The following PPHLN1 variants were observed in gnomAD, a reference collection of about 807,000 sequenced individuals.
PPHLN1 encodes the protein periphilin-1.
A neutral mutation model predicts 51.3 loss-of-function variants in PPHLN1; 29 were observed. The observed-to-expected ratio is 0.57, with a 90% CI of 0.42 to 0.77. PPHLN1 has a LOEUF of 0.77. Among genes scored for constraint, PPHLN1 ranks in the 30% least tolerant of loss-of-function variants. The pLI, the probability that PPHLN1 is intolerant of heterozygous loss-of-function variation, is 0.00. For missense variants in PPHLN1, 436 were observed against 438.4 expected, an observed-to-expected ratio of 0.99 and a Z score of 0.05; for synonymous variants, 147 against 147.8, an observed-to-expected ratio of 0.99 and a Z score of 0.04.
chr12:42,330,337 C>T (rs1295909317), intron 1 of PPHLN1, among the ~76,000 whole-genome samples: 4 of 152,228 alleles, frequency 2.6e-5, no homozygotes, highest in African/African-American at 9.7e-5. Flanking sequence ...TACTGATCCT[C>T]CTCAGCACAG....
chr12:42,444,321 C>A (rs2083176300), downstream of PPHLN1: 1 of 151,422 alleles, frequency 6.6e-6, no homozygotes, highest in Non-Finnish European at 1.5e-5. Context: ...TGATAAATTA[C>A]AGAACCTGTT....
At chr12:42,395,952 T>A (rs184313392) in intron 8 of PPHLN1, among the ~76,000 whole-genome samples, 27 of 152,344 alleles carry the variant, frequency 1.8e-4, no homozygotes, top group Admixed American at 4.6e-4. Flanking sequence ...TTCAATAATA[T>A]ACTTAAATAT....
chr12:42,399,274 G>A (rs2078572290), intron 9 of PPHLN1: 3 of 934,206 alleles, frequency 3.2e-6, no homozygotes, highest in Non-Finnish European at 3.9e-6. Context: ...AAAGTTAATA[G>A]GGATGGGATG....
intron 3 of PPHLN1, among the ~76,000 whole-genome samples, 183 bp downstream of exon 3, chr12:42,352,232 G>A (rs2073453454): frequency 2.0e-5 from 3 of 152,036 alleles, no homozygotes. Flanking sequence ...TGGGGTACTG[G>A]ACAAAGTAGG....
chr12:42,361,644 T>C (rs1037810822), intron 4 of PPHLN1: 3 of 152,208 alleles, frequency 2.0e-5, no homozygotes, highest in Admixed American at 2.0e-4. Context: ...GTTGGTTTTG[T>C]TTTTCAAATA....
chr12:42,411,539 AG>A (rs2079828904), intron 9 of PPHLN1, among the ~76,000 whole-genome samples: 1 of 152,232 alleles, frequency 6.6e-6, no homozygotes, highest in South Asian at 2.1e-4. Flanking sequence ...TTTTAAGGAA[AG>A]GCAACATGGG....
At chr12:42,375,598 C>G (rs1324102729) in intron 5 of PPHLN1, among the ~76,000 whole-genome samples, 3 of 152,180 alleles carry the variant, frequency 2.0e-5, no homozygotes, top group Admixed American at 6.5e-5. Flanking sequence ...GTGTGAGCCA[C>G]TGCTCCTGGC....
chr12:42,362,198 T>C (rs548267740), intron 4 of PPHLN1, among the ~76,000 whole-genome samples: 1 of 152,320 alleles, frequency 6.6e-6, no homozygotes, highest in East Asian at 1.9e-4. Context: ...TTTGGAGTAA[T>C]GTCTGTTTTG....
intron 3 of PPHLN1, among the ~76,000 whole-genome samples, chr12:42,352,915 C>A (rs1337693338): frequency 6.6e-6 from 1 of 151,670 alleles, no homozygotes; most frequent in African/African-American, 2.4e-5. Flanking sequence ...ATGGTGAAAC[C>A]CTGTCTCTAC....
In PPHLN1 at chr12:42,374,990, A is replaced by G. The variant is rs1404873819; in HGVS notation, c.427A>G (p.Ser143Gly). 1 of 1,613,944 alleles carries G rather than the reference A, an allele frequency of 6.2e-7. No homozygotes were observed. The highest frequency in any genetic ancestry group is 1.3e-5 in the African/African-American group (1 of 74,896). The stretch of plus-strand genomic sequence containing the variant: ...TGTTGGCCGAAAGGATTCTCCACAC[A>G]GCAGATCTGGTTCCAGTGTCAGTAG... Reference protein sequence around the residue: ...SPVGRKDSPHSRSGSSVSSRS... With the variant: ...SPVGRKDSPHGRSGSSVSSRS... Residue 143 changes from serine to glycine, a missense_variant, in exon 5 of 10, where the codon AGC (serine) becomes GGC (glycine). Transcript: ENST00000358314.
At chr12:42,337,805 A>T (rs1047887213) in intron 2 of PPHLN1, among the ~76,000 whole-genome samples, 1 of 131,546 alleles carries the variant, frequency 7.6e-6, no homozygotes, top group Non-Finnish European at 1.7e-5. Context: ...TTATTTGGAG[A>T]TGGAGTCTAA....
intron 4 of PPHLN1, among the ~76,000 whole-genome samples, chr12:42,367,376 A>C (rs1041813988): frequency 6.6e-6 from 1 of 151,974 alleles, no homozygotes; most frequent in Non-Finnish European, 1.5e-5. Context: ...TAAAAACACA[A>C]TTTATGATAA....
chr12:42,418,726 T>C (rs768970145), intron 9 of PPHLN1, among the ~76,000 whole-genome samples: 3 of 152,218 alleles, frequency 2.0e-5, no homozygotes, highest in Non-Finnish European at 4.4e-5. Flanking sequence ...TTCTCCATCA[T>C]TGAACCTACT....
chr12:42,418,500 C>T (rs1024098519), intron 9 of PPHLN1, among the ~76,000 whole-genome samples: 2 of 152,066 alleles, frequency 1.3e-5, no homozygotes, highest in East Asian at 3.9e-4. Flanking sequence ...GACCTGCTAA[C>T]ACTGTATACT....
chr12:42,352,862 G>A (rs1321472916), intron 3 of PPHLN1, among the ~76,000 whole-genome samples: 1 of 151,996 alleles, frequency 6.6e-6, no homozygotes, highest in East Asian at 1.9e-4. Flanking sequence ...GCTTAGGTAG[G>A]TGGATCACCT....
At chr12:42,328,117 T>C (rs985825949) in intron 1 of PPHLN1, among the ~76,000 whole-genome samples, 18 of 152,152 alleles carry the variant, frequency 1.2e-4, no homozygotes, top group Non-Finnish European at 2.4e-4. Flanking sequence ...GTTTATATAA[T>C]GGGCTTTGTG....
intron 5 of PPHLN1, among the ~76,000 whole-genome samples, chr12:42,376,940 A>G (rs1018718082): frequency 6.6e-6 from 1 of 152,104 alleles, no homozygotes; most frequent in African/African-American, 2.4e-5. Context: ...TTTTGCTTCT[A>G]TATACCCCAT....
At chr12:42,417,869 C>A (rs1188726522) in intron 9 of PPHLN1, among the ~76,000 whole-genome samples, 1 of 143,420 alleles carries the variant, frequency 7.0e-6, no homozygotes. Flanking sequence ...CTCAGCTGAA[C>A]TATTGATCAT....
At chr12:42,330,270 G>A (rs1407793220) in intron 1 of PPHLN1, among the ~76,000 whole-genome samples, 1 of 152,118 alleles carries the variant, frequency 6.6e-6, no homozygotes, top group Non-Finnish European at 1.5e-5. Context: ...CGTTTCCAGG[G>A]GCATGCAGGA....
Sources: allele counts gnomAD v4.1 joint callset (sites outside exome capture counted in the v4.1 genomes callset), GRCh38; gene constraint gnomAD v4.1.1; transcripts MANE v1.5; gene names NCBI Gene and HGNC (gene_info 2026-07-23, HGNC 2026-07-21).